The following TRPM1 variants were observed in gnomAD, a reference collection of about 807,000 sequenced individuals.
TRPM1 encodes transient receptor potential cation channel subfamily M member 1.
In TRPM1, 113 loss-of-function variants were observed where a neutral mutation model predicts 149.4. The observed-to-expected ratio is 0.76, with a 90% CI of 0.65 to 0.88. The LOEUF is 0.88. Among genes scored for constraint, TRPM1 ranks in the 40% least tolerant of loss-of-function variants. The probability of loss-of-function intolerance (pLI) is 0.00; values close to 1 mark genes in which losing one functional copy is unlikely to be tolerated. For synonymous variants in TRPM1, 741 were observed against 759.5 expected, an observed-to-expected ratio of 0.98 and a Z score of 0.40; for missense variants, 1,976 against 2,038.7, an observed-to-expected ratio of 0.97 and a Z score of 0.59.
intron 1 of TRPM1, among the ~76,000 whole-genome samples, chr15:31,107,243 G>A (rs1385043093): frequency 6.6e-6 from 1 of 152,100 alleles, no homozygotes; most frequent in African/African-American, 2.4e-5. Context: ...ACTTTTTATA[G>A]GTCTGTTCAG....
intron 7 of TRPM1, chr15:31,064,901 C>G (rs2034326509): frequency 9.5e-6 from 4 of 422,068 alleles, no homozygotes. Context: ...ATCCTGGACT[C>G]CGCCTTTGAG....
chr15:31,143,304 A>G (rs73377629), intron 1 of TRPM1, among the ~76,000 whole-genome samples: 2 of 152,214 alleles, frequency 1.3e-5, no homozygotes. Context: ...ATGAAGCTGA[A>G]TGAACTGATG....
At chr15:31,032,006 GTTTTT>G (rs57762904) in intron 22 of TRPM1, among the ~76,000 whole-genome samples, 11,195 of 122,760 alleles carry the variant, frequency 0.091, 542 homozygotes, top group Admixed American at 0.16. Context: ...ATCAGGCGGG[GTTTTT>G]TTTTTTTTTT....
At chr15:31,060,697 G>A (rs1284970543) in intron 10 of TRPM1, 53 bp from the exon 11 acceptor site, 2 of 1,461,082 alleles carry the variant, frequency 1.4e-6, no homozygotes, top group East Asian at 4.6e-5. Context: ...GGACCGCCAG[G>A]GTTTGGCAGG....
At position 31,068,000 on chromosome 15, in the gene TRPM1, A is replaced by G; in HGVS notation, c.372T>C (p.Ser124=). Residue 124 remains serine, a synonymous_variant, in exon 5 of 28, where the codon TCT becomes TCC. Transcript: ENST00000256552. ...WQLELPKLLI[S]VHGGLQNFEM... ...CAAAGTTCTGGAGGCCTCCATGCACAGATATTAAGAGCTTGGGGAGTTCCA... is the reference window on the plus strand; with the variant it reads ...CAAAGTTCTGGAGGCCTCCATGCACGGATATTAAGAGCTTGGGGAGTTCCA... 3 of 1,614,206 alleles carry G rather than the reference A, an allele frequency of 1.9e-6. No individual in the cohort carries two copies. Among genetic ancestry groups the G allele is most frequent in the South Asian group, 2.2e-5 (2 of 91,088 alleles).
intron 4 of TRPM1, chr15:31,069,529 C>T: frequency 8.8e-7 from 1 of 1,140,428 alleles, no homozygotes; most frequent in East Asian, 4.5e-5. Flanking sequence ...AAGCCTCCCC[C>T]ACGCTGGCAG....
chr15:31,071,632 A>T (rs1017554987), intron 3 of TRPM1, among the ~76,000 whole-genome samples: 6 of 149,894 alleles, frequency 4.0e-5, no homozygotes, highest in African/African-American at 1.5e-4. Context: ...CCTTTTATTG[A>T]GATATAATTC....
intron 16 of TRPM1, among the ~76,000 whole-genome samples, chr15:31,042,800 G>A (rs547188244): frequency 6.6e-5 from 10 of 152,168 alleles, no homozygotes; most frequent in Non-Finnish European, 1.2e-4. Flanking sequence ...CAAAAAGGAA[G>A]GCCAATCTTT....
chr15:31,034,094 CT>C (rs1336018487), intron 21 of TRPM1, among the ~76,000 whole-genome samples: 1 of 152,134 alleles, frequency 6.6e-6, no homozygotes, highest in African/African-American at 2.4e-5. Context: ...ATGCTGTGGG[CT>C]TTTTCAGCTC....
At chr15:31,004,341 G>C (rs183142734) in intron 27 of TRPM1, among the ~76,000 whole-genome samples, 37 of 151,920 alleles carry the variant, frequency 2.4e-4, no homozygotes, top group Non-Finnish European at 4.4e-4. Context: ...GCCTGCCACT[G>C]TTTGCATCGC....
At chr15:31,073,599 T>C (rs2034616257) in intron 3 of TRPM1, among the ~76,000 whole-genome samples, 1 of 152,156 alleles carries the variant, frequency 6.6e-6, no homozygotes, top group South Asian at 2.1e-4. Context: ...CTAATATTTT[T>C]TGGTGGATTC....
intron 27 of TRPM1, among the ~76,000 whole-genome samples, chr15:31,025,182 A>G (rs7161812): frequency 0.32 from 48,241 of 152,156 alleles, 9,260 homozygotes; most frequent in African/African-American, 0.54. Flanking sequence ...ACTCAAGGAT[A>G]GAAAGCAGAG....
At chr15:31,025,070 C>T (rs2032677049) in intron 27 of TRPM1, among the ~76,000 whole-genome samples, 1 of 152,150 alleles carries the variant, frequency 6.6e-6, no homozygotes, top group Non-Finnish European at 1.5e-5. Context: ...TCTGTGAATT[C>T]TGTTGTAATT....
At chr15:31,113,750 G>A (rs1040823906) in intron 1 of TRPM1, among the ~76,000 whole-genome samples, 2 of 152,298 alleles carry the variant, frequency 1.3e-5, no homozygotes, top group East Asian at 1.9e-4. Context: ...AATGAAGCAT[G>A]CGGACCTTCC....
At chr15:31,003,867 T>TTC (rs1555415223) in intron 27 of TRPM1, among the ~76,000 whole-genome samples, 2 of 151,988 alleles carry the variant, frequency 1.3e-5, no homozygotes, top group Non-Finnish European at 1.5e-5. Flanking sequence ...TTTTTTTTTT[T>TTC]CAGTTCTTAG....
chr15:31,027,993 C>T (rs2032866713), intron 25 of TRPM1, among the ~76,000 whole-genome samples: 1 of 152,100 alleles, frequency 6.6e-6, no homozygotes, highest in Non-Finnish European at 1.5e-5. Context: ...ATTGCCTTTT[C>T]CACCTCTGCT....
intron 2 of TRPM1, among the ~76,000 whole-genome samples, chr15:31,078,607 C>T (rs2034775034): frequency 1.3e-5 from 2 of 152,294 alleles, no homozygotes; most frequent in Middle Eastern, 6.8e-3. Flanking sequence ...GGGAGGCAGG[C>T]AGTGTGGGCT....
intron 1 of TRPM1, among the ~76,000 whole-genome samples, chr15:31,113,375 A>C (rs2338860): frequency 0.017 from 2,596 of 151,976 alleles, 83 homozygotes; most frequent in African/African-American, 0.06. Flanking sequence ...TGTCACAACC[A>C]ACGGGGTTCT....
chr15:31,142,108 T>C (rs1475327296), intron 1 of TRPM1, among the ~76,000 whole-genome samples: 1 of 152,220 alleles, frequency 6.6e-6, no homozygotes, highest in Non-Finnish European at 1.5e-5. Flanking sequence ...AAAGAGTATG[T>C]ATCAACTAAA....
Sources: gnomAD v4.1 joint callset for allele counts (sites outside exome capture counted in the v4.1 genomes callset) on GRCh38, gnomAD v4.1.1 for gene constraint, MANE v1.5 for transcripts, NCBI Gene and HGNC (gene_info 2026-07-23, HGNC 2026-07-21) for gene names.